Variants in VAPB observed in about 807,000 individuals in gnomAD.
VAPB encodes the protein vesicle-associated membrane protein-associated protein B/C.
Under a neutral mutation model 25.6 loss-of-function variants are expected in VAPB, and 7 were observed. That is an observed-to-expected ratio of 0.27 (90% CI 0.16 to 0.51). VAPB has a LOEUF of 0.51. VAPB is among the 20% of genes least tolerant of loss of function. VAPB has a pLI of 0.97. For missense variants in VAPB, 266 were observed against 301.3 expected, an observed-to-expected ratio of 0.88 and a Z score of 0.87; for synonymous variants, 112 against 109.2, an observed-to-expected ratio of 1.03 and a Z score of -0.16.
rs1182209722 is a variant in VAPB, at chr20:58,445,168, T to C, written c.*933T>C. On this transcript the variant is annotated 3_prime_UTR_variant, in exon 6 of 6. Coordinates refer to ENST00000475243, the MANE Select transcript of VAPB (RefSeq NM_004738.5). The stretch of plus-strand genomic sequence containing the variant: ...CTGGGTCAGTAAATAACAACTGTCA[T>C]AGGGAGGGAAATTCTCAGTAGTGAC... 1 of 454,148 alleles carries C rather than the reference T, an allele frequency of 2.2e-6. No individual in the cohort carries two copies. The highest frequency in any genetic ancestry group is 2.3e-5 in the Admixed American group (1 of 42,562). The allele number at this position is 454,148 out of a possible 1,614,324, so 28.1% of individuals were successfully genotyped here.
rs192624905 is a variant in VAPB, at chr20:58,446,227, T to C, written c.*1992T>C. 36 of 454,072 alleles carry C rather than the reference T, an allele frequency of 7.9e-5. No individual in the cohort carries two copies. In the East Asian group the frequency reaches 2.2e-3, roughly 28 times the overall value. The allele number at this position is 454,072 out of a possible 1,614,324, so 28.1% of individuals were successfully genotyped here. ...TTTCCCATGTGTCCCCCAGTACTTA[T>C]AAAAGGGAGTGAAAAGACCGAGCTG... On this transcript the variant is annotated 3_prime_UTR_variant, in exon 6 of 6. Transcript: ENST00000475243.
At chr20:58,408,144 A>G (rs775686190) in intron 1 of VAPB, among the ~76,000 whole-genome samples, 2 of 152,192 alleles carry the variant, frequency 1.3e-5, no homozygotes, top group African/African-American at 4.8e-5. Flanking sequence ...GTCTATTTCA[A>G]TCAAGTTGGC....
chr20:58,431,026 A>G (rs943795051), intron 2 of VAPB: 1 of 152,234 alleles, frequency 6.6e-6, no homozygotes, highest in Non-Finnish European at 1.5e-5. Context: ...AGGGGAGAGT[A>G]TGTTTAATTG....
At chr20:58,419,588 C>T (rs971417023) in intron 2 of VAPB, among the ~76,000 whole-genome samples, 3 of 152,168 alleles carry the variant, frequency 2.0e-5, no homozygotes, top group African/African-American at 4.8e-5. Flanking sequence ...GTCATAGCAT[C>T]GTGAAACTAG....
chr20:58,437,671 G>A (rs745699777), intron 3 of VAPB, among the ~76,000 whole-genome samples: 22 of 152,152 alleles, frequency 1.4e-4, no homozygotes, highest in Admixed American at 4.6e-4. Flanking sequence ...ACGTGTACAG[G>A]TGTGTGTGTG....
chr20:58,423,446 A>AAAG (rs1988717538), intron 2 of VAPB, among the ~76,000 whole-genome samples: 1 of 145,426 alleles, frequency 6.9e-6, no homozygotes, highest in African/African-American at 2.6e-5. Context: ...AAAAAAAAAA[A>AAAG]AAAGAAAAGA....
In VAPB at chr20:58,449,788, G is replaced by C. The variant is rs1454110718; in HGVS notation, c.*5553G>C. 1 of 453,994 alleles carries C rather than the reference G, an allele frequency of 2.2e-6. No individual in the cohort carries two copies. The highest frequency in any genetic ancestry group is 4.4e-6 in the Non-Finnish European group (1 of 226,786). The allele number at this position is 453,994 out of a possible 1,614,324, so 28.1% of individuals were successfully genotyped here. A position where few individuals can be genotyped will look rare whatever the true frequency, so the allele number is the denominator to read the frequency against. ...ACTTGGCTAATGGATGTGGGTGCAGGACAGATGCTCGCTTGCTGGCCTGCT... is the reference window on the plus strand; with the variant it reads ...ACTTGGCTAATGGATGTGGGTGCAGCACAGATGCTCGCTTGCTGGCCTGCT... On this transcript the variant is annotated 3_prime_UTR_variant, in exon 6 of 6. Transcript: ENST00000475243.
In VAPB at chr20:58,447,240, C is replaced by T. The variant is rs540367071; in HGVS notation, c.*3005C>T. The stretch of plus-strand genomic sequence containing the variant: ...TGAAGTTTTAAATTGGTAACTTAAG[C>T]TTCCTTGGCACGATACAAAATACCT... On this transcript the variant is annotated 3_prime_UTR_variant, in exon 6 of 6. Coordinates refer to ENST00000475243, the MANE Select transcript of VAPB (RefSeq NM_004738.5). 157 of 454,122 alleles carry T rather than the reference C, an allele frequency of 3.5e-4. No homozygotes were observed. The highest frequency in any genetic ancestry group is 2.4e-3 in the South Asian group (155 of 64,480). 28.1% of individuals were successfully genotyped at this position (454,122 alleles called of 1,614,324 possible).
In VAPB at chr20:58,389,432, C is replaced by A. The variant is rs1753675197; in HGVS notation, c.-28C>A. The A allele has an allele frequency of 5.1e-6, 8 of 1,581,420 alleles. No homozygotes were observed. Among genetic ancestry groups the A allele is most frequent in the Non-Finnish European group, 6.9e-6 (8 of 1,164,086 alleles). Reference sequence around the variant, plus strand: ...CCCGGTGACCTCTCAGGGGTCTCCCCGCCAAAGGTGCTCCGCCGCTAAGGA... The same window carrying A: ...CCCGGTGACCTCTCAGGGGTCTCCCAGCCAAAGGTGCTCCGCCGCTAAGGA... On this transcript the variant is annotated 5_prime_UTR_variant, in exon 1 of 6. Transcript: ENST00000475243.
intron 1 of VAPB, among the ~76,000 whole-genome samples, chr20:58,395,650 G>A (rs1270455093): frequency 1.3e-5 from 2 of 152,138 alleles, no homozygotes; most frequent in Non-Finnish European, 2.9e-5. Flanking sequence ...ATTTTGCACC[G>A]AGGATTGTGT....
intron 2 of VAPB, among the ~76,000 whole-genome samples, chr20:58,429,116 G>T (rs1988871119): frequency 6.6e-6 from 1 of 151,760 alleles, no homozygotes; most frequent in Non-Finnish European, 1.5e-5. Context: ...AAAAAATGAA[G>T]CATATGCCAT....
At chr20:58,442,273 A>G (rs1428115608) in intron 5 of VAPB, among the ~76,000 whole-genome samples, 1 of 152,216 alleles carries the variant, frequency 6.6e-6, no homozygotes, top group Non-Finnish European at 1.5e-5. Context: ...TGCCTCAGTC[A>G]GTAATTTCTT....
In VAPB at chr20:58,389,447, G is replaced by T; in HGVS notation, c.-13G>T. ...GGGGTCTCCCCGCCAAAGGTGCTCCGCCGCTAAGGAACATGGCGAAGGTGG... is the reference window on the plus strand; with the variant it reads ...GGGGTCTCCCCGCCAAAGGTGCTCCTCCGCTAAGGAACATGGCGAAGGTGG... On this transcript the variant is annotated 5_prime_UTR_variant, in exon 1 of 6. Coordinates refer to ENST00000475243, the MANE Select transcript of VAPB (RefSeq NM_004738.5). The T allele has an allele frequency of 6.3e-7, 1 of 1,589,736 alleles. No individual in the cohort carries two copies. The highest frequency in any genetic ancestry group is 2.3e-5 in the East Asian group (1 of 43,534).
At chr20:58,442,499 C>T (rs1331918241) in intron 5 of VAPB, among the ~76,000 whole-genome samples, 1 of 152,098 alleles carries the variant, frequency 6.6e-6, no homozygotes, top group East Asian at 1.9e-4. Context: ...TTGTTTATCA[C>T]TGTGCAGTGA....
intron 2 of VAPB, among the ~76,000 whole-genome samples, chr20:58,423,414 CAAAAAAAAAAAAAA>C (rs59133081): frequency 4.0e-4 from 14 of 34,764 alleles, no homozygotes; most frequent in African/African-American, 7.4e-4. Context: ...CTCCATCTCA[CAAAAAAAAAAAAAA>C]AAAAAAAAAA....
intron 2 of VAPB, 48 bp from the exon 3 acceptor site, chr20:58,434,554 A>T (rs757584497): frequency 4.3e-6 from 4 of 922,128 alleles, no homozygotes; most frequent in African/African-American, 1.6e-5. Flanking sequence ...AATAAATGGC[A>T]CTGACAACCA....
chr20:58,422,966 A>C (rs1988699630), intron 2 of VAPB, among the ~76,000 whole-genome samples: 1 of 152,178 alleles, frequency 6.6e-6, no homozygotes, highest in Non-Finnish European at 1.5e-5. Flanking sequence ...TGGGAATTGA[A>C]AATGGATTAA....
At chr20:58,424,595 A>G (rs923484494) in intron 2 of VAPB, among the ~76,000 whole-genome samples, 2 of 152,208 alleles carry the variant, frequency 1.3e-5, no homozygotes, top group Non-Finnish European at 2.9e-5. Context: ...TTCCATTATA[A>G]ATGTTAGAGG....
In VAPB at chr20:58,447,338, A is replaced by G. The variant is rs1272881763; in HGVS notation, c.*3103A>G. ...TAACTTTTTTCTCCTCCTAGTTTGC[A>G]TGTTTTCCTTCTCTCGTCTTCTGAA... On this transcript the variant is annotated 3_prime_UTR_variant, in exon 6 of 6. Coordinates refer to ENST00000475243, the MANE Select transcript of VAPB (RefSeq NM_004738.5). The G allele has an allele frequency of 6.6e-6, 3 of 454,080 alleles. No individual in the cohort carries two copies. The Admixed American group carries it at 7.0e-5, about 11-fold the overall frequency. 28.1% of individuals were successfully genotyped at this position (454,080 alleles called of 1,614,324 possible). A position where few individuals can be genotyped will look rare whatever the true frequency, so the allele number is the denominator to read the frequency against.
Sources: allele counts gnomAD v4.1 joint callset (sites outside exome capture counted in the v4.1 genomes callset), GRCh38; gene constraint gnomAD v4.1.1; transcripts MANE v1.5; gene names NCBI Gene and HGNC (gene_info 2026-07-23, HGNC 2026-07-21).